Variants in EGFR observed in about 807,000 individuals in gnomAD.
EGFR encodes the protein avian erythroblastic leukemia viral (v-erb-b) oncogene homolog.
In EGFR, 58 loss-of-function variants were observed where a neutral mutation model predicts 143.0. The observed-to-expected ratio is 0.41, with a 90% CI of 0.33 to 0.50. The LOEUF (loss-of-function observed/expected upper bound fraction) is 0.50, where lower values mean the gene tolerates loss of function less well. Ranked by LOEUF, EGFR falls within the 20% of genes least tolerant of loss-of-function variation. The pLI, the probability that EGFR is intolerant of heterozygous loss-of-function variation, is 0.39. For missense variants in EGFR, 1,307 were observed against 1,579.0 expected (o/e 0.83, Z 2.92); for synonymous variants, 613 against 594.4 (o/e 1.03, Z -0.45).
Position 55,146,649 on chromosome 7 carries a change from G to T in EGFR, c.468G>T (p.Leu156=), listed in dbSNP as rs149006234. ...TGCGGTTCAGCAACAACCCTGCCCT[G>T]TGCAACGTGGAGAGCATCCAGTGGC... ...GAVRFSNNPA[L]CNVESIQWRD... The change falls in exon 4 of 28, where the codon CTG becomes CTT. Residue 156 remains leucine (L), a synonymous_variant. Coordinates refer to ENST00000275493, the MANE Select transcript of EGFR (RefSeq NM_005228.5). 3.1e-6 allele frequency: 5 copies of T among 1,614,098 alleles called. No individual in the cohort carries two copies. The highest frequency in any genetic ancestry group is 3.4e-6 in the Non-Finnish European group (4 of 1,179,968).
chr7:55,030,138 C>T (rs543901522), intron 1 of EGFR, among the ~76,000 whole-genome samples: 17 of 152,264 alleles, frequency 1.1e-4, no homozygotes, highest in Admixed American at 9.1e-4. Flanking sequence ...GCACTGGGTG[C>T]TCTCCTGCTA....
chr7:55,205,115 C>T, intron 27 of EGFR, 141 bp from the exon 28 acceptor site: 3 of 1,282,930 alleles, frequency 2.3e-6, no homozygotes, highest in South Asian at 1.3e-5. Context: ...TTTGCAGCAA[C>T]AGCAAGAGGG....
chr7:55,174,148 C>A (rs2128954002), intron 18 of EGFR, 105 bp downstream of exon 18: 1 of 1,492,222 alleles, frequency 6.7e-7, no homozygotes, highest in Non-Finnish European at 9.1e-7. Flanking sequence ...ATCTACTTTA[C>A]TCTTTGTTTC....
chr7:55,059,441 G>A (rs1443631587), intron 1 of EGFR, among the ~76,000 whole-genome samples: 1 of 151,866 alleles, frequency 6.6e-6, no homozygotes, highest in Non-Finnish European at 1.5e-5. Flanking sequence ...TGGCACATTT[G>A]TTACAATTAA....
chr7:55,194,119 G>A (rs1787515684), intron 22 of EGFR, among the ~76,000 whole-genome samples: 1 of 152,014 alleles, frequency 6.6e-6, no homozygotes, highest in Non-Finnish European at 1.5e-5. Context: ...TCCTCAAGCA[G>A]CCCGCCCCTC....
At chr7:55,165,530 A>G (rs1428635207) in intron 15 of EGFR, 93 bp downstream of exon 15, 1 of 1,500,048 alleles carries the variant, frequency 6.7e-7, no homozygotes, top group Non-Finnish European at 8.9e-7. Flanking sequence ...CAAATTGCCG[A>G]GGTTTGTATT....
intron 22 of EGFR, among the ~76,000 whole-genome samples, chr7:55,195,897 A>T (rs1787592876): frequency 6.6e-6 from 1 of 152,192 alleles, no homozygotes; most frequent in African/African-American, 2.4e-5. Context: ...TATATGTACC[A>T]CATTTTCTTT....
chr7:55,180,996 T>G (rs539360257), intron 19 of EGFR: 35 of 521,774 alleles, frequency 6.7e-5, no homozygotes, highest in Non-Finnish European at 1.2e-4. Context: ...AGAGATCAGG[T>G]GACTCCGACT....
intron 1 of EGFR, among the ~76,000 whole-genome samples, chr7:55,080,339 T>C (rs1181582435): frequency 6.6e-6 from 1 of 150,468 alleles, no homozygotes; most frequent in Non-Finnish European, 1.5e-5. Context: ...GCTTGTGGTA[T>C]ACATACACAA....
intron 10 of EGFR, among the ~76,000 whole-genome samples, chr7:55,157,355 C>T (rs944342689): frequency 6.6e-6 from 1 of 152,198 alleles, no homozygotes; most frequent in Non-Finnish European, 1.5e-5. Context: ...GGCAGATAAT[C>T]GCAGCAGGAG....
At chr7:55,071,886 A>G (rs1789853512) in intron 1 of EGFR, among the ~76,000 whole-genome samples, 1 of 152,258 alleles carries the variant, frequency 6.6e-6, no homozygotes, top group Non-Finnish European at 1.5e-5. Flanking sequence ...GACAATTAAC[A>G]CAGTTTCTGG....
At chr7:55,084,952 C>T (rs755381325) in intron 1 of EGFR, among the ~76,000 whole-genome samples, 27 of 152,098 alleles carry the variant, frequency 1.8e-4, no homozygotes, top group Admixed American at 3.3e-4. Flanking sequence ...CATAGTCAGG[C>T]ATATTGTCAC....
chr7:55,094,318 C>T (rs917880), intron 1 of EGFR, among the ~76,000 whole-genome samples: 74,352 of 152,040 alleles, frequency 0.49, 18,760 homozygotes, highest in African/African-American at 0.59. Context: ...GTTTGTGCAG[C>T]CTGCAGAGCA....
chr7:55,171,432 C>T (rs556799185), intron 16 of EGFR, among the ~76,000 whole-genome samples: 2 of 152,328 alleles, frequency 1.3e-5, no homozygotes, highest in African/African-American at 4.8e-5. Flanking sequence ...GAAAGTTGGA[C>T]ACACAGTGCT....
At chr7:55,078,562 C>T (rs1339041957) in intron 1 of EGFR, among the ~76,000 whole-genome samples, 1 of 152,212 alleles carries the variant, frequency 6.6e-6, no homozygotes. Flanking sequence ...TGCGTCCTTC[C>T]GCACGTGCAG....
At chr7:55,053,690 G>A (rs573590730) in intron 1 of EGFR, among the ~76,000 whole-genome samples, 2 of 152,330 alleles carry the variant, frequency 1.3e-5, no homozygotes, top group South Asian at 2.1e-4. Context: ...TGGTGAATCC[G>A]AGGCTTCTAG....
intron 1 of EGFR, among the ~76,000 whole-genome samples, chr7:55,031,256 A>G (rs918870436): frequency 2.0e-5 from 3 of 152,236 alleles, no homozygotes; most frequent in Admixed American, 1.3e-4. Context: ...AAACCCTTCC[A>G]GTAAACAGAC....
chr7:55,181,872 G>T lies in EGFR; in HGVS notation c.2469+394G>T, dbSNP rs17337219. 285 of 325,922 alleles carry T rather than the reference G, an allele frequency of 8.7e-4. 1 individual carries two copies. Among genetic ancestry groups the T allele is most frequent in the African/African-American group, 5.8e-3 (268 of 46,508 alleles). 20.2% of individuals were successfully genotyped at this position (325,922 alleles called of 1,614,324 possible). ...GCCAGGCCAAGGCCAGGAGGACCCA[G>T]GTGATAGTGGTGGAGTGGAGCAGGT... is the stretch of plus-strand genomic sequence containing the variant. On this transcript the variant is annotated intron_variant, in intron 20 of 27. Transcript: ENST00000275493.
chr7:55,165,600 G>A (rs1412301744), intron 15 of EGFR, among the ~76,000 whole-genome samples, 163 bp downstream of exon 15: 2 of 152,194 alleles, frequency 1.3e-5, no homozygotes, highest in Admixed American at 6.5e-5. Context: ...ACTTGCTTGT[G>A]AGCAGGCCTC....
Sources: gnomAD v4.1 joint callset for allele counts (sites outside exome capture counted in the v4.1 genomes callset) on GRCh38, gnomAD v4.1.1 for gene constraint, MANE v1.5 for transcripts, NCBI Gene and HGNC (gene_info 2026-07-23, HGNC 2026-07-21) for gene names.